PCDHAC2: variants seen among roughly 807,000 people sequenced by gnomAD.
PCDHAC2 encodes protocadherin alpha-C2.
In PCDHAC2, 24 loss-of-function variants were observed where a neutral mutation model predicts 63.3. The ratio of observed to expected loss-of-function variants is 0.38; its 90% confidence interval spans 0.27 to 0.53. The LOEUF (loss-of-function observed/expected upper bound fraction) is 0.53. Among genes scored for constraint, PCDHAC2 ranks in the 20% least tolerant of loss-of-function variants. PCDHAC2 has a pLI of 0.81. For missense variants in PCDHAC2, 1,181 were observed against 1,275.2 expected (o/e 0.93, Z 1.12); for synonymous variants, 569 against 529.4 (o/e 1.07, Z -1.03).
In PCDHAC2 at chr5:140,966,983, G is replaced by T. The variant is rs782294035; in HGVS notation, c.217G>T (p.Gly73Trp). The T allele has an allele frequency of 6.2e-7, 1 of 1,603,778 alleles. No homozygotes were observed. Among genetic ancestry groups the T allele is most frequent in the Non-Finnish European group, 8.5e-7 (1 of 1,177,880 alleles). ...GCTGGGGCTTGAGCTGCGGCGCTTG[G>T]GGCCGGGTTGCTTGCGCATCAACCA... is the stretch of plus-strand genomic sequence containing the variant. ...RALGLELRRL[G>W]PGCLRINHLG... The change falls in exon 1 of 4, where the codon GGG (glycine) becomes TGG (tryptophan). Residue 73 changes from glycine (G) to tryptophan (W), a missense_variant. Transcript: ENST00000289269.
chr5:140,968,975 T>G lies in PCDHAC2; in HGVS notation c.2209T>G (p.Tyr737Asp), dbSNP rs782002097. Residue 737 changes from tyrosine (Y) to aspartate (D), a missense_variant, in exon 1 of 4, where the codon TAT (tyrosine) becomes GAT (aspartate). Physicochemically the swap from Tyr to Asp is radical, Grantham distance 160. Transcript: ENST00000289269. ...CATCAAGTGCTACCGCTACACTGCG[T>G]ATGGCACTGCATGCTGTGGAGGCTT... The part of the protein sequence containing the change: ...SIIKCYRYTA[Y>D]GTACCGGFCG... The G allele has an allele frequency of 2.5e-6, 4 of 1,614,168 alleles. No homozygotes were observed. The highest frequency in any genetic ancestry group is 3.4e-6 in the Non-Finnish European group (4 of 1,180,018).
In PCDHAC2 at chr5:141,010,847, A is replaced by C. The variant is rs2098418553; in HGVS notation, c.*910A>C. 6.5e-6 allele frequency: 1 copy of C among 153,782 alleles called. No homozygotes were observed. Among genetic ancestry groups the C allele is most frequent in the Non-Finnish European group, 1.5e-5 (1 of 68,062 alleles). The allele number at this position is 153,782 out of a possible 1,614,324, so 9.5% of individuals were successfully genotyped here. A position where few individuals can be genotyped will look rare whatever the true frequency, so the allele number is the denominator to read the frequency against. ...TTGTTGTTTCATAGATTTATTTAAA[A>C]AAAGAGAAAGTCTATAGCTATAAAT... On this transcript the variant is annotated 3_prime_UTR_variant, in exon 4 of 4. Transcript: ENST00000289269.
chr5:141,012,057 A>G lies in PCDHAC2; in HGVS notation c.*2120A>G, dbSNP rs2098422809. 6.5e-6 allele frequency: 1 copy of G among 153,774 alleles called. No individual in the cohort carries two copies. Among genetic ancestry groups the G allele is most frequent in the African/African-American group, 2.4e-5 (1 of 41,454 alleles). The allele number at this position is 153,774 out of a possible 1,614,324, so 9.5% of individuals were successfully genotyped here. A position where few individuals can be genotyped will look rare whatever the true frequency, so the allele number is the denominator to read the frequency against. Reference sequence around the variant, plus strand: ...ATTGCATGGGGTAAAACTTGTTACCAACACATGTGAACCATTGCTACATTG... The same window carrying G: ...ATTGCATGGGGTAAAACTTGTTACCGACACATGTGAACCATTGCTACATTG... On this transcript the variant is annotated 3_prime_UTR_variant, in exon 4 of 4. Transcript: ENST00000289269.
At chr5:140,990,367 A>G (rs1162635749) in intron 3 of PCDHAC2, among the ~76,000 whole-genome samples, 1 of 152,104 alleles carries the variant, frequency 6.6e-6, no homozygotes, top group Non-Finnish European at 1.5e-5. Context: ...AATCTAATAA[A>G]GCAAATTTGT....
At chr5:140,984,533 T>C (rs1477702565) in intron 3 of PCDHAC2, among the ~76,000 whole-genome samples, 1 of 152,216 alleles carries the variant, frequency 6.6e-6, no homozygotes, top group African/African-American at 2.4e-5. Context: ...CTTCATGGAC[T>C]GTGCTGGATA....
chr5:140,976,171 A>T (rs1356953697), intron 1 of PCDHAC2, among the ~76,000 whole-genome samples: 1 of 152,218 alleles, frequency 6.6e-6, no homozygotes, highest in African/African-American at 2.4e-5. Flanking sequence ...TTAGTTTTGT[A>T]TTGTTTTAAA....
intron 1 of PCDHAC2, among the ~76,000 whole-genome samples, chr5:140,972,656 C>T (rs1428322208): frequency 6.9e-6 from 1 of 144,688 alleles, no homozygotes; most frequent in Non-Finnish European, 1.5e-5. Context: ...TAAAAAGAAA[C>T]CAAATTTTTT....
Position 141,005,701 on chromosome 5 carries a change from C to CAAA in PCDHAC2, c.2714-3898_2714-3896dup, listed in dbSNP as rs59860837. ...TGGGCGACAGAGCGAAACTCCGTCTCAAAAAAAAAAAAAAAAAAAAAAAAA... is the reference window on the plus strand; with the variant it reads ...TGGGCGACAGAGCGAAACTCCGTCTCAAAAAAAAAAAAAAAAAAAAAAAAAAAA... On this transcript the variant is annotated intron_variant, in intron 3 of 3. Transcript: ENST00000289269. Among the ~76,000 whole-genome samples the CAAA allele has an allele frequency of 9.1e-3, 71 of 7,774 alleles. 6 individuals are homozygous for CAAA. Among genetic ancestry groups the CAAA allele is most frequent in the Non-Finnish European group, 0.012 (43 of 3,684 alleles). 5.1% of individuals were successfully genotyped at this position (7,774 alleles called of 152,430 possible).
At chr5:140,990,176 T>G (rs1294066255) in intron 3 of PCDHAC2, among the ~76,000 whole-genome samples, 1 of 152,142 alleles carries the variant, frequency 6.6e-6, no homozygotes, top group Non-Finnish European at 1.5e-5. Context: ...AAAAGGTGAC[T>G]TTTAAGAACC....
At position 140,969,046 on chromosome 5, in the gene PCDHAC2, C is replaced by A; in HGVS notation, c.2280C>A (p.Ala760=). 3.1e-6 allele frequency: 5 copies of A among 1,614,074 alleles called. No individual in the cohort carries two copies. The highest frequency in any genetic ancestry group is 4.2e-6 in the Non-Finnish European group (5 of 1,179,980). The change falls in exon 1 of 4, where the codon GCC becomes GCA. Residue 760 remains alanine (A), a synonymous_variant. Transcript: ENST00000289269. Reference sequence around the variant, plus strand: ...CCCCTGCAGAACTGTACAAACAAGCCAACAACAATATTGATGCCAGGATAC... The same window carrying A: ...CCCCTGCAGAACTGTACAAACAAGCAAACAACAATATTGATGCCAGGATAC... ...ERSPAELYKQ[A]NNNIDARIPH...
intron 2 of PCDHAC2, among the ~76,000 whole-genome samples, chr5:140,981,379 G>C (rs1387904235): frequency 6.6e-6 from 1 of 152,152 alleles, no homozygotes; most frequent in Non-Finnish European, 1.5e-5. Context: ...TTCAAGACCA[G>C]CCTGGTCAAT....
chr5:140,966,654 T>G lies in PCDHAC2; in HGVS notation c.-113T>G, dbSNP rs1048894569. 1.7e-6 allele frequency: 2 copies of G among 1,185,100 alleles called. No homozygotes were observed. The highest frequency in any genetic ancestry group is 2.2e-6 in the Non-Finnish European group (2 of 906,244). The allele number at this position is 1,185,100 out of a possible 1,614,324, so 73.4% of individuals were successfully genotyped here. A position where few individuals can be genotyped will look rare whatever the true frequency, so the allele number is the denominator to read the frequency against. On this transcript the variant is annotated 5_prime_UTR_variant, in exon 1 of 4. Transcript: ENST00000289269. Reference sequence around the variant, plus strand: ...CAGGCGCTTTCTAGAGCGTGAGCGGTGGGGGAGCAGGCGCAGGGTGGCACG... The same window carrying G: ...CAGGCGCTTTCTAGAGCGTGAGCGGGGGGGGAGCAGGCGCAGGGTGGCACG...
chr5:140,983,005 AAAGG>A (rs1223217874), intron 3 of PCDHAC2, among the ~76,000 whole-genome samples: 2 of 152,110 alleles, frequency 1.3e-5, no homozygotes, highest in African/African-American at 2.4e-5. Flanking sequence ...AAAGAAAGAA[AAAGG>A]AAGGAAGGAA....
intron 3 of PCDHAC2, among the ~76,000 whole-genome samples, chr5:141,000,278 G>A (rs574420053): frequency 6.6e-6 from 1 of 151,194 alleles, no homozygotes; most frequent in South Asian, 2.1e-4. Flanking sequence ...GGGAGGCAGA[G>A]GTGGGAATAT....
At chr5:140,993,996 G>C (rs1163632974) in intron 3 of PCDHAC2, among the ~76,000 whole-genome samples, 1 of 152,148 alleles carries the variant, frequency 6.6e-6, no homozygotes, top group Non-Finnish European at 1.5e-5. Flanking sequence ...CTTAGGTCAG[G>C]CCAGGCTCTG....
chr5:140,989,517 G>A (rs782479733), intron 3 of PCDHAC2, among the ~76,000 whole-genome samples: 4 of 152,186 alleles, frequency 2.6e-5, no homozygotes, highest in Non-Finnish European at 5.9e-5. Flanking sequence ...CCTGAGTTGA[G>A]GGCAGAGGAG....
At chr5:140,979,564 A>G (rs1267870261) in intron 2 of PCDHAC2, among the ~76,000 whole-genome samples, 2 of 152,222 alleles carry the variant, frequency 1.3e-5, no homozygotes, top group Non-Finnish European at 2.9e-5. Context: ...AAGATGAGCC[A>G]TGTAAAGGGC....
chr5:140,981,779 A>G (rs1231046614), intron 2 of PCDHAC2, among the ~76,000 whole-genome samples: 2 of 151,974 alleles, frequency 1.3e-5, no homozygotes, highest in Non-Finnish European at 2.9e-5. Flanking sequence ...ATACTGCACC[A>G]TGTTCTCTTT....
intron 3 of PCDHAC2, among the ~76,000 whole-genome samples, chr5:140,991,228 TGCAGTGGTAAAG>T (rs1452293099): frequency 1.1e-4 from 16 of 152,220 alleles, no homozygotes; most frequent in Non-Finnish European, 2.4e-4. Flanking sequence ...CATTAATAAA[TGCAGTGGTAAAG>T]GCAGTATTTG....
Sources: allele counts gnomAD v4.1 joint callset (sites outside exome capture counted in the v4.1 genomes callset), GRCh38; gene constraint gnomAD v4.1.1; transcripts MANE v1.5; gene names NCBI Gene and HGNC (gene_info 2026-07-23, HGNC 2026-07-21).